Variants in LPA observed in about 807,000 individuals in gnomAD.
LPA encodes the protein lipoprotein(a).
A neutral mutation model predicts 197.9 loss-of-function variants in LPA; 199 were observed. That is an observed-to-expected ratio of 1.01 (90% CI 0.90 to 1.13). LPA has a LOEUF of 1.13. Ranked by LOEUF, LPA falls within the 50% of genes most tolerant of loss-of-function variation. LPA has a pLI of 0.00. For missense variants in LPA, 1,853 were observed against 1,785.8 expected (o/e 1.04, Z -0.68); for synonymous variants, 715 against 639.5 (o/e 1.12, Z -1.78).
chr6:160,566,443 A>G (rs1778456265), intron 28 of LPA, among the ~76,000 whole-genome samples: 1 of 152,214 alleles, frequency 6.6e-6, no homozygotes, highest in South Asian at 2.1e-4. Context: ...GCAAATGCTG[A>G]GAGATTTTGT....
At chr6:160,597,697 T>C (rs1414957458) in intron 20 of LPA, among the ~76,000 whole-genome samples, 1 of 152,226 alleles carries the variant, frequency 6.6e-6, no homozygotes, top group African/African-American at 2.4e-5. Context: ...GTTTATGTTT[T>C]CTTAAATCCA....
In LPA at chr6:160,654,505, T is replaced by C. The variant is rs534053716; in HGVS notation, c.50-4008A>G. On this transcript the variant is annotated intron_variant, in intron 1 of 38. Coordinates refer to ENST00000316300, the MANE Select transcript of LPA (RefSeq NM_005577.4). ...CCAATCAAGTTGACAGTATTAACCATCACAAGTCCAACTCCTTGTCAACTT... is the reference window on the plus strand; with the variant it reads ...CCAATCAAGTTGACAGTATTAACCACCACAAGTCCAACTCCTTGTCAACTT... Among the ~76,000 whole-genome samples, 68 of 152,160 alleles carry C rather than the reference T, an allele frequency of 4.5e-4. 5 individuals carry two copies. In the South Asian group the frequency reaches 0.01, roughly 23 times the overall value.
chr6:160,532,530 C>G lies in LPA; in HGVS notation c.5961+1G>C. 2 of 1,581,530 alleles carry G rather than the reference C, an allele frequency of 1.3e-6. No individual in the cohort carries two copies. The highest frequency in any genetic ancestry group is 1.7e-6 in the Non-Finnish European group (2 of 1,150,438). On this transcript the variant is annotated splice_donor_variant, in intron 38 of 38. Transcript: ENST00000316300. LOFTEE classifies it high-confidence loss of function. ...ACTTTGATCTATTGATCTTTTCTTA[C>G]CTGGCAACTGTCAGTGCCTCTGGCC...
At chr6:160,557,706 C>A in intron 28 of LPA, 135 bp from the exon 29 acceptor site, 1 of 704,366 alleles carries the variant, frequency 1.4e-6, no homozygotes, top group Non-Finnish European at 2.4e-6. Context: ...CAATAATATT[C>A]CGAAAAGCAA....
intron 16 of LPA, among the ~76,000 whole-genome samples, chr6:160,608,874 G>A (rs575213407): frequency 1.3e-5 from 2 of 151,222 alleles, no homozygotes; most frequent in East Asian, 1.9e-4. Context: ...GGTGTGTATG[G>A]GTGTGTTGTA....
chr6:160,654,060 A>ATAATATATAATATATAT (rs1780080424), intron 1 of LPA, among the ~76,000 whole-genome samples: 1 of 12,210 alleles, frequency 8.2e-5, no homozygotes, highest in African/African-American at 2.7e-4. Flanking sequence ...AATATATTAT[A>ATAATATATAATATATAT]TATATTATAT....
rs770611055 is a variant in LPA, at chr6:160,595,526, G to T, written c.3297C>A (p.Thr1099=). The change falls in exon 21 of 39, where the codon ACC becomes ACA. Residue 1099 remains threonine (T), a synonymous_variant. Coordinates refer to ENST00000316300, the MANE Select transcript of LPA (RefSeq NM_005577.4). The part of the protein sequence containing the change: ...TPENYPNAGL[T]RNYCRNPDAE... ...CATCTGGATTCCTGCAGTAGTTCCT[G>T]GTCAGGCCACTGCAAATTTCAAAAC... is the stretch of plus-strand genomic sequence containing the variant. 1.4e-5 allele frequency: 23 copies of T among 1,613,846 alleles called. No homozygotes were observed. The highest frequency in any genetic ancestry group is 1.8e-5 in the Non-Finnish European group (21 of 1,179,930).
At chr6:160,647,652 A>C (rs6455697) in intron 2 of LPA, among the ~76,000 whole-genome samples, 7,292 of 152,280 alleles carry the variant, frequency 0.048, 570 homozygotes, top group African/African-American at 0.16. Context: ...TAGGATTTGC[A>C]ATATCCCTTT....
Position 160,531,784 on chromosome 6 carries a change from T to G in LPA, c.6068A>C (p.Tyr2023Ser). The change falls in exon 39 of 39, where the codon TAT (tyrosine) becomes TCT (serine). Residue 2023 changes from tyrosine to serine, a missense_variant. By Grantham distance (144) the Tyr-to-Ser change is moderately radical. Transcript: ENST00000316300. ...GCARPNKPGV[Y>S]ARVSRFVTWI... Reference sequence around the variant, plus strand: ...AGTAACAAACCTTGAAACACGAGCATAGACACCAGGCTTATTGGGGCGTGC... The same window carrying G: ...AGTAACAAACCTTGAAACACGAGCAGAGACACCAGGCTTATTGGGGCGTGC... The G allele has an allele frequency of 6.2e-7, 1 of 1,614,090 alleles. No individual in the cohort carries two copies. The highest frequency in any genetic ancestry group is 1.3e-5 in the African/African-American group (1 of 75,022).
chr6:160,584,270 C>CTCTTCT (rs60345887), intron 26 of LPA, among the ~76,000 whole-genome samples: 40 of 112,920 alleles, frequency 3.5e-4, no homozygotes, highest in South Asian at 1.2e-3. Flanking sequence ...CTTCCTCTTC[C>CTCTTCT]TCTTCTTCTT....
rs181994292 is a variant in LPA at position 160,548,631 on chromosome 6, G to A, written c.5002C>T (p.Pro1668Ser). 5.0e-5 allele frequency: 81 copies of A among 1,614,104 alleles called. 1 individual carries two copies. In the Admixed American group the frequency reaches 9.8e-4, roughly 20 times the overall value. Residue 1668 changes from proline (P) to serine (S), a missense_variant, in exon 31 of 39, where the codon CCA becomes TCA. Pro to Ser is a moderately conservative substitution (Grantham distance 74). Coordinates refer to ENST00000316300, the MANE Select transcript of LPA (RefSeq NM_005577.4). ...CACCAAGGGCCTGTATCGGCATCTG[G>A]ATTCCTGCAGTAGTTCATTGTCAGG... is the stretch of plus-strand genomic sequence containing the variant. Reference protein sequence around the residue: ...DGLTMNYCRNPDADTGPWCFT... With the variant: ...DGLTMNYCRNSDADTGPWCFT...
In LPA at chr6:160,594,027, C is replaced by T. The variant is rs1314012223; in HGVS notation, c.3560G>A (p.Arg1187Lys). The T allele has an allele frequency of 1.2e-6, 2 of 1,613,964 alleles. No individual in the cohort carries two copies. Among genetic ancestry groups the T allele is most frequent in the Non-Finnish European group, 8.5e-7 (1 of 1,179,872 alleles). ...RGSFSTTVTG[R>K]TCQSWSSMTP... is the part of the protein sequence containing the mutation. ...CATAGAGGACCAAGACTGACATGTC[C>T]TTCCTGTGACAGTGGTAGAGAATGA... is the stretch of plus-strand genomic sequence containing the variant. The change falls in exon 22 of 39, where the codon AGG (arginine) becomes AAG (lysine). Residue 1187 changes from arginine (R) to lysine (K), a missense_variant. By Grantham distance (26) the Arg-to-Lys change is conservative. Transcript: ENST00000316300.
chr6:160,575,198 T>C (rs927307922), intron 28 of LPA, among the ~76,000 whole-genome samples: 1 of 152,204 alleles, frequency 6.6e-6, no homozygotes, highest in East Asian at 1.9e-4. Flanking sequence ...AGCTTTTTTT[T>C]CTTCATATTT....
chr6:160,534,430 G>GT (rs1443979952), intron 37 of LPA, among the ~76,000 whole-genome samples: 1 of 152,152 alleles, frequency 6.6e-6, no homozygotes, highest in Non-Finnish European at 1.5e-5. Flanking sequence ...TGGGCCACAG[G>GT]TAACCTGAGG....
intron 17 of LPA, 42 bp downstream of exon 17, chr6:160,606,435 C>A: frequency 6.2e-7 from 1 of 1,607,682 alleles, no homozygotes; most frequent in Non-Finnish European, 8.5e-7. Context: ...GCTTTTCATC[C>A]CAGCATCGAA....
intron 22 of LPA, 131 bp from the exon 23 acceptor site, chr6:160,591,232 C>T: frequency 8.6e-7 from 1 of 1,162,224 alleles, no homozygotes. Flanking sequence ...GGTCCTGTAA[C>T]AATCACAAAT....
At position 160,593,965 on chromosome 6, in the gene LPA, G is replaced by T. The variant is rs778073934; in HGVS notation, c.3622C>A (p.Pro1208Thr). The change falls in exon 22 of 39, where the codon CCA becomes ACA. Residue 1208 changes from proline (P) to threonine (T), a missense_variant. This residue lies in a region of LPA where 1,737 missense variants were observed against 1,504.4 expected (regional missense o/e 1.15). Coordinates refer to ENST00000316300, the MANE Select transcript of LPA (RefSeq NM_005577.4). ...GAAAACTCAAGGTTGTACCCATTTG[G>T]ATAATATTCTGTTGTCCTCTGATGC... ...HWHQRTTEYY[P>T]NGGLTRNYCR... 13 of 1,613,636 alleles carry T rather than the reference G, an allele frequency of 8.1e-6. No individual in the cohort carries two copies. In the South Asian group the frequency reaches 8.8e-5, roughly 11 times the overall value.
At position 160,606,478 on chromosome 6, in the gene LPA, T is replaced by C. The variant is rs1779354248; in HGVS notation, c.2784A>G (p.Gln928=). ...GGTTTCTGGCCACAGGCTCCTTACC[T>C]TGTTCAGAAGGAGCCTCTAGGCTTG... ...PIPSLEAPSE[Q]APTEQRPGVQ... Residue 928 remains glutamine (Q), a splice_region_variant and synonymous_variant, in exon 17 of 39, where the codon CAA becomes CAG. Coordinates refer to ENST00000316300, the MANE Select transcript of LPA (RefSeq NM_005577.4). 4 of 1,613,390 alleles carry C rather than the reference T, an allele frequency of 2.5e-6. No homozygotes were observed. Among genetic ancestry groups the C allele is most frequent in the Non-Finnish European group, 3.4e-6 (4 of 1,179,786 alleles).
At chr6:160,591,941 T>C (rs887176618) in intron 22 of LPA, among the ~76,000 whole-genome samples, 1 of 152,212 alleles carries the variant, frequency 6.6e-6, no homozygotes, top group Non-Finnish European at 1.5e-5. Context: ...ACCCCCTTTT[T>C]TTCTTCTTAG....
Sources: allele counts gnomAD v4.1 joint callset (sites outside exome capture counted in the v4.1 genomes callset), GRCh38; gene constraint gnomAD v4.1.1; regional missense constraint gnomAD v4.1.1; transcripts MANE v1.5; gene names NCBI Gene and HGNC (gene_info 2026-07-23, HGNC 2026-07-21).